The following CNTN3 variants were observed in gnomAD, a reference collection of about 807,000 sequenced individuals.
The protein encoded by CNTN3 is contactin-3.
A neutral mutation model predicts 119.1 loss-of-function variants in CNTN3; 60 were observed. The observed-to-expected ratio is 0.50, with a 90% CI of 0.41 to 0.62. The LOEUF (loss-of-function observed/expected upper bound fraction) is 0.62. CNTN3 is among the 20% of genes least tolerant of loss of function. The pLI is 0.00. For missense variants in CNTN3, 1,101 were observed against 1,242.4 expected (o/e 0.89, Z 1.71); for synonymous variants, 450 against 438.7 (o/e 1.03, Z -0.32).
chr3:74,426,524 A>T (rs1701698295), intron 4 of CNTN3, among the ~76,000 whole-genome samples: 1 of 152,214 alleles, frequency 6.6e-6, no homozygotes, highest in African/African-American at 2.4e-5. Flanking sequence ...GAGAGAAATA[A>T]GAGGGCCTAT....
intron 4 of CNTN3, among the ~76,000 whole-genome samples, chr3:74,437,733 T>A (rs995091578): frequency 6.6e-6 from 1 of 152,046 alleles, no homozygotes. Context: ...AGCCCTAGAA[T>A]TTTTCCATCA....
chr3:74,316,708 G>T (rs866714088), intron 13 of CNTN3, among the ~76,000 whole-genome samples: 2 of 152,036 alleles, frequency 1.3e-5, no homozygotes, highest in African/African-American at 4.8e-5. Context: ...GGCAGATCAC[G>T]AGGTCAGGAG....
chr3:74,580,759 C>T (rs371272089), intron 1 of CNTN3, among the ~76,000 whole-genome samples: 13 of 152,300 alleles, frequency 8.5e-5, no homozygotes, highest in African/African-American at 2.9e-4. Context: ...CTACAACTAA[C>T]ATCATACTAG....
rs1333402979 is a variant in CNTN3 at position 74,522,448 on chromosome 3, T to C, written c.-80-1256A>G. Among the ~76,000 whole-genome samples the C allele has an allele frequency of 2.6e-5, 4 of 152,018 alleles. No homozygotes were observed. The East Asian group carries it at 5.8e-4, about 22-fold the overall frequency. On this transcript the variant is annotated intron_variant, in intron 1 of 22. Coordinates refer to ENST00000263665, the MANE Select transcript of CNTN3 (RefSeq NM_020872.3). ...ACTCAATATCCCCACTGCTGCAAAC[T>C]GCATGTCTCAGTTTGGGTTCCACAA...
intron 4 of CNTN3, among the ~76,000 whole-genome samples, chr3:74,462,218 T>A (rs1360655758): frequency 6.6e-6 from 1 of 152,128 alleles, no homozygotes; most frequent in Non-Finnish European, 1.5e-5. Flanking sequence ...GAAGCTGCTA[T>A]GCTTCCTGTA....
At chr3:74,352,709 GA>G (rs1703846377) in intron 11 of CNTN3, among the ~76,000 whole-genome samples, 1 of 152,172 alleles carries the variant, frequency 6.6e-6, no homozygotes, top group Admixed American at 6.5e-5. Flanking sequence ...CTTCTAGGCA[GA>G]AGGCAGGGAC....
chr3:74,303,083 A>ACT (rs1702491208), intron 13 of CNTN3, among the ~76,000 whole-genome samples: 1 of 152,244 alleles, frequency 6.6e-6, no homozygotes, highest in Non-Finnish European at 1.5e-5. Flanking sequence ...GGCAGAGATT[A>ACT]CAGTCTCAGA....
chr3:74,530,344 T>C (rs181612741), intron 1 of CNTN3, among the ~76,000 whole-genome samples: 1 of 151,868 alleles, frequency 6.6e-6, no homozygotes, highest in Non-Finnish European at 1.5e-5. Context: ...TGCAAAACCA[T>C]TTGCCTGGTT....
chr3:74,443,849 C>G (rs1702005371), intron 4 of CNTN3, among the ~76,000 whole-genome samples: 1 of 152,064 alleles, frequency 6.6e-6, no homozygotes, highest in South Asian at 2.1e-4. Context: ...GTGGGTGGTG[C>G]ATCAGTTTTC....
intron 11 of CNTN3, among the ~76,000 whole-genome samples, chr3:74,340,063 C>T (rs1703497747): frequency 6.6e-6 from 1 of 151,954 alleles, no homozygotes; most frequent in Admixed American, 6.6e-5. Context: ...GTACAAGTGA[C>T]AGAACAATAT....
At chr3:74,421,605 C>T (rs534502235) in intron 5 of CNTN3, among the ~76,000 whole-genome samples, 1 of 152,068 alleles carries the variant, frequency 6.6e-6, no homozygotes, top group South Asian at 2.1e-4. Context: ...CATTTCTAAC[C>T]ACAGAGAGGG....
At chr3:74,500,720 T>G (rs575098640) in intron 2 of CNTN3, among the ~76,000 whole-genome samples, 1 of 152,148 alleles carries the variant, frequency 6.6e-6, no homozygotes, top group Admixed American at 6.6e-5. Context: ...CAGTTTACAT[T>G]AATAAAAATA....
intron 5 of CNTN3, among the ~76,000 whole-genome samples, chr3:74,382,120 A>T (rs1704636892): frequency 6.6e-6 from 1 of 152,132 alleles, no homozygotes; most frequent in African/African-American, 2.4e-5. Context: ...AGGCAGGAGA[A>T]TCACTTGAAC....
Position 74,334,783 on chromosome 3 carries a change from G to A in CNTN3, c.1620C>T (p.Ala540=). ...DIIFTWYFNG[A]LADFKKDGSH... ...ATCCATCTTTCTTAAAATCTGCAAG[G>A]GCCCCATTGAAATACCAGGTAAAGA... The change falls in exon 13 of 23, where the codon GCC becomes GCT. Residue 540 remains alanine (A), a synonymous_variant. Coordinates refer to ENST00000263665, the MANE Select transcript of CNTN3 (RefSeq NM_020872.3). The A allele has an allele frequency of 6.2e-7, 1 of 1,613,486 alleles. No homozygotes were observed. The highest frequency in any genetic ancestry group is 1.7e-5 in the Admixed American group (1 of 59,954).
chr3:74,594,624 A>G (rs970971013), intron 1 of CNTN3, among the ~76,000 whole-genome samples: 2 of 152,012 alleles, frequency 1.3e-5, no homozygotes, highest in Non-Finnish European at 2.9e-5. Flanking sequence ...AAGGACATGA[A>G]CTCATCATTT....
chr3:74,485,628 A>C (rs564918776), intron 4 of CNTN3, among the ~76,000 whole-genome samples: 5 of 152,266 alleles, frequency 3.3e-5, no homozygotes, highest in African/African-American at 1.2e-4. Context: ...CATGCATTGC[A>C]ATTTCAGAAT....
chr3:74,300,793 T>A (rs574114059), intron 16 of CNTN3, among the ~76,000 whole-genome samples: 1 of 152,226 alleles, frequency 6.6e-6, no homozygotes, highest in Non-Finnish European at 1.5e-5. Flanking sequence ...TCTTTAGGTC[T>A]CAATTGTCCC....
intron 4 of CNTN3, among the ~76,000 whole-genome samples, chr3:74,463,726 G>A (rs1240004502): frequency 6.6e-6 from 1 of 152,038 alleles, no homozygotes; most frequent in African/African-American, 2.4e-5. Context: ...TTTGTTCCCA[G>A]GTCAACGTCT....
At chr3:74,293,667 G>T (rs1279281462) in intron 19 of CNTN3, among the ~76,000 whole-genome samples, 7 of 152,088 alleles carry the variant, frequency 4.6e-5, no homozygotes, top group African/African-American at 1.7e-4. Context: ...TTGAGATGGG[G>T]TCTCACTAAG....
Sources: allele counts gnomAD v4.1 joint callset (sites outside exome capture counted in the v4.1 genomes callset), GRCh38; gene constraint gnomAD v4.1.1; transcripts MANE v1.5; gene names NCBI Gene and HGNC (gene_info 2026-07-23, HGNC 2026-07-21).